Variants in PDZRN4 observed in about 807,000 individuals in gnomAD.
The protein encoded by PDZRN4 is PDZ domain containing ring finger 4.
In PDZRN4, 70 loss-of-function variants were observed where a neutral mutation model predicts 99.0. The ratio of observed to expected loss-of-function variants is 0.71; its 90% confidence interval spans 0.58 to 0.86. The LOEUF is 0.86. Ranked by LOEUF, PDZRN4 falls within the 40% of genes least tolerant of loss-of-function variation. The probability of loss-of-function intolerance (pLI) is 0.00; values close to 1 mark genes in which losing one functional copy is unlikely to be tolerated. For missense variants in PDZRN4, 1,474 were observed against 1,331.2 expected, an observed-to-expected ratio of 1.11 and a Z score of -1.67; for synonymous variants, 551 against 501.6, an observed-to-expected ratio of 1.10 and a Z score of -1.32.
chr12:41,257,360 G>A (rs1425575145), intron 3 of PDZRN4, among the ~76,000 whole-genome samples: 1 of 152,116 alleles, frequency 6.6e-6, no homozygotes, highest in Non-Finnish European at 1.5e-5. Context: ...CTTTCATAAG[G>A]GCACTAATCC....
At chr12:41,344,324 C>A (rs1320666093) in intron 3 of PDZRN4, among the ~76,000 whole-genome samples, 1 of 152,014 alleles carries the variant, frequency 6.6e-6, no homozygotes, top group African/African-American at 2.4e-5. Flanking sequence ...CTTGCCTGGA[C>A]AGTTCATTAT....
At chr12:41,257,762 G>T (rs1951213247) in intron 3 of PDZRN4, among the ~76,000 whole-genome samples, 1 of 152,102 alleles carries the variant, frequency 6.6e-6, no homozygotes, top group East Asian at 1.9e-4. Flanking sequence ...AGTTGGAGGA[G>T]ATATTCTCAA....
At chr12:41,387,100 A>G (rs1325264297) in intron 3 of PDZRN4, among the ~76,000 whole-genome samples, 1 of 152,210 alleles carries the variant, frequency 6.6e-6, no homozygotes, top group Non-Finnish European at 1.5e-5. Flanking sequence ...CAATGGCAAT[A>G]AAATCAAAAA....
chr12:41,207,721 T>C (rs1870704), intron 3 of PDZRN4, among the ~76,000 whole-genome samples: 101,102 of 151,610 alleles, frequency 0.67, 33,849 homozygotes, highest in South Asian at 0.73. Context: ...AACAAACACA[T>C]TGGTGCAATT....
At chr12:41,421,965 G>A (rs11180912) in intron 3 of PDZRN4, among the ~76,000 whole-genome samples, 5,751 of 152,136 alleles carry the variant, frequency 0.038, 165 homozygotes, top group African/African-American at 0.086. Flanking sequence ...CTGTTTTGAC[G>A]ATTTATTTAT....
chr12:41,520,598 C>T (rs981265868), intron 5 of PDZRN4, among the ~76,000 whole-genome samples: 8 of 149,498 alleles, frequency 5.4e-5, no homozygotes, highest in Non-Finnish European at 1.2e-4. Context: ...TTTACTTTTC[C>T]AGTAAACATG....
intron 3 of PDZRN4, among the ~76,000 whole-genome samples, chr12:41,288,370 C>T (rs1272514743): frequency 5.3e-5 from 8 of 152,084 alleles, no homozygotes; most frequent in Non-Finnish European, 1.2e-4. Flanking sequence ...TTTAGACTGG[C>T]TCCGATTCTC....
chr12:41,574,529 T>A lies in PDZRN4; in HGVS notation c.*639T>A, dbSNP rs1376259910. ...TAGTGACATTGGTCATGTAGCTAGA[T>A]AATTATGGTAATTGTGACAATTAAA... On this transcript the variant is annotated 3_prime_UTR_variant, in exon 10 of 10. Transcript: ENST00000402685. 1 of 152,702 alleles carries A rather than the reference T, an allele frequency of 6.5e-6. No individual in the cohort carries two copies. Among genetic ancestry groups the A allele is most frequent in the Non-Finnish European group, 1.5e-5 (1 of 68,044 alleles). 9.5% of individuals were successfully genotyped at this position (152,702 alleles called of 1,614,324 possible).
chr12:41,202,156 G>T (rs1339533113), intron 3 of PDZRN4, among the ~76,000 whole-genome samples: 1 of 152,114 alleles, frequency 6.6e-6, no homozygotes, highest in Admixed American at 6.6e-5. Context: ...AAGACCAAAA[G>T]AGCTGGAAGC....
chr12:41,375,164 T>C (rs1592033416), intron 3 of PDZRN4, among the ~76,000 whole-genome samples: 1 of 152,142 alleles, frequency 6.6e-6, no homozygotes, highest in Non-Finnish European at 1.5e-5. Context: ...TACAACTTGA[T>C]TACAACCTCT....
chr12:41,378,858 A>C (rs1952101811), intron 3 of PDZRN4, among the ~76,000 whole-genome samples: 1 of 152,116 alleles, frequency 6.6e-6, no homozygotes, highest in Non-Finnish European at 1.5e-5. Context: ...CTTAAGAAGA[A>C]TTGGCATTAA....
chr12:41,250,593 G>T (rs550327539), intron 3 of PDZRN4, among the ~76,000 whole-genome samples: 1 of 152,260 alleles, frequency 6.6e-6, no homozygotes, highest in South Asian at 2.1e-4. Flanking sequence ...ATTATTAACT[G>T]GAGAAAAATG....
rs2120737821 is a variant in PDZRN4, at chr12:41,226,196, T to C, written c.843+32008T>C. 2.0e-5 allele frequency among the ~76,000 whole-genome samples: 3 copies of C among 152,236 alleles called. No individual in the cohort carries two copies. In the Middle Eastern group the frequency reaches 0.01, roughly 518 times the overall value. Reference sequence around the variant, plus strand: ...TTCCCTGGCCCATTTGCTCACCAGCTTCATGGCTTTGCTCCAACATGAGGT... The same window carrying C: ...TTCCCTGGCCCATTTGCTCACCAGCCTCATGGCTTTGCTCCAACATGAGGT... On this transcript the variant is annotated intron_variant, in intron 3 of 9. Coordinates refer to ENST00000402685, the MANE Select transcript of PDZRN4 (RefSeq NM_001164595.2).
chr12:41,263,270 T>C (rs1566405140), intron 3 of PDZRN4, among the ~76,000 whole-genome samples: 1 of 152,056 alleles, frequency 6.6e-6, no homozygotes, highest in Non-Finnish European at 1.5e-5. Context: ...AAAATGAAAA[T>C]AGTTGGGCGC....
chr12:41,289,307 A>G (rs1231879826), intron 3 of PDZRN4, among the ~76,000 whole-genome samples: 1 of 152,214 alleles, frequency 6.6e-6, no homozygotes, highest in Admixed American at 6.5e-5. Flanking sequence ...CTCATTTTAA[A>G]CATTCAAACT....
At chr12:41,426,413 A>T (rs1169473558) in intron 3 of PDZRN4, among the ~76,000 whole-genome samples, 1 of 152,176 alleles carries the variant, frequency 6.6e-6, no homozygotes, top group African/African-American at 2.4e-5. Flanking sequence ...CTGATTCAAG[A>T]CCACCTCTAC....
At chr12:41,312,727 C>T (rs1300873316) in intron 3 of PDZRN4, among the ~76,000 whole-genome samples, 1 of 152,130 alleles carries the variant, frequency 6.6e-6, no homozygotes, top group African/African-American at 2.4e-5. Context: ...GTCCTGCCCC[C>T]GAGATTCAAT....
intron 3 of PDZRN4, among the ~76,000 whole-genome samples, chr12:41,430,515 T>C (rs987684757): frequency 9.2e-5 from 14 of 151,816 alleles, no homozygotes; most frequent in Non-Finnish European, 1.6e-4. Context: ...ATTATTACTC[T>C]GTATGTATTA....
At chr12:41,193,741 T>G (rs1950751788) in intron 2 of PDZRN4, among the ~76,000 whole-genome samples, 1 of 152,226 alleles carries the variant, frequency 6.6e-6, no homozygotes, top group Admixed American at 6.5e-5. Context: ...TATCACCCTT[T>G]TACTTGCTGT....
Sources: allele counts gnomAD v4.1 joint callset (sites outside exome capture counted in the v4.1 genomes callset), GRCh38; gene constraint gnomAD v4.1.1; transcripts MANE v1.5; gene names NCBI Gene and HGNC (gene_info 2026-07-23, HGNC 2026-07-21).